The following CHRNA5 variants were observed in gnomAD, a reference collection of about 807,000 sequenced individuals.
The protein encoded by CHRNA5 is cholinergic receptor nicotinic alpha 5 subunit, also known as neuronal acetylcholine receptor subunit alpha-5.
Under a neutral mutation model 41.2 loss-of-function variants are expected in CHRNA5, and 28 were observed. The observed-to-expected ratio is 0.68, with a 90% CI of 0.50 to 0.93. The LOEUF (loss-of-function observed/expected upper bound fraction) is 0.93, where lower values mean the gene tolerates loss of function less well. Ranked by LOEUF, CHRNA5 falls within the 40% of genes least tolerant of loss-of-function variation. CHRNA5 has a pLI of 0.00. For missense variants in CHRNA5, 481 were observed against 581.9 expected (o/e 0.83, Z 1.78); for synonymous variants, 188 against 205.8 (o/e 0.91, Z 0.74).
intron 1 of CHRNA5, among the ~76,000 whole-genome samples, chr15:78,573,114 C>T (rs2052821719): frequency 6.6e-6 from 1 of 152,220 alleles, no homozygotes; most frequent in African/African-American, 2.4e-5. Context: ...TCCCCCTCAC[C>T]AACATTTGGC....
rs542371444 is a variant in CHRNA5 at position 78,587,434 on chromosome 15, G to A, written c.303+745G>A. On this transcript the variant is annotated intron_variant, in intron 3 of 5. Transcript: ENST00000299565. ...GCCATGTGTATATCTGGGGAGGAGC[G>A]TTCCAGGCAGCAGGACCTACAAGTG... 2.0e-4 allele frequency among the ~76,000 whole-genome samples: 30 copies of A among 147,646 alleles called. No individual in the cohort carries two copies. The Middle Eastern group carries it at 0.01, about 50-fold the overall frequency.
exon 6 of CHRNA5, chr15:78,595,154 G>A (rs2053081066): frequency 7.0e-6 from 2 of 285,644 alleles, no homozygotes; most frequent in Non-Finnish European, 1.0e-5. Context: ...TGAAAGCCTG[G>A]TGTGATGAAT....
chr15:78,590,265 TTGAC>T lies in CHRNA5; in HGVS notation c.877_880del (p.Thr293SerfsTer19), dbSNP rs766768801. On this transcript the variant is annotated frameshift_variant, in exon 5 of 6. Transcript: ENST00000299565. LOFTEE classifies it high-confidence loss of function. ...TCTCTGCACTTCAGTACTTGTGTCT[TTGAC>T]TGTCTTCCTTCTGGTTATTGAAGAG... The T allele has an allele frequency of 1.1e-4, 176 of 1,613,924 alleles. No homozygotes were observed. Among genetic ancestry groups the T allele is most frequent in the Non-Finnish European group, 1.4e-4 (164 of 1,180,042 alleles).
At position 78,588,022 on chromosome 15, in the gene CHRNA5, G is replaced by A. The variant is rs1377990848; in HGVS notation, c.304-292G>A. ...TGAACCTGGATATTAAGTGCCTGTG[G>A]CTTCAAGTCCTGGATATAGTCAGTC... On this transcript the variant is annotated intron_variant, in intron 3 of 5. Coordinates refer to ENST00000299565, the Ensembl canonical transcript of CHRNA5. This position sits in a 1 kb window ranked among gnomAD's most constrained non-coding sequence, Gnocchi z 4.1. 6.6e-6 allele frequency among the ~76,000 whole-genome samples: 1 copy of A among 152,156 alleles called. No homozygotes were observed. The highest frequency in any genetic ancestry group is 1.5e-5 in the Non-Finnish European group (1 of 68,032).
At chr15:78,586,272 C>T (rs762438938) in intron 2 of CHRNA5, among the ~76,000 whole-genome samples, 2 of 152,202 alleles carry the variant, frequency 1.3e-5, no homozygotes, top group Non-Finnish European at 2.9e-5. Context: ...TCTTATAATT[C>T]ATGGCAGCTT....
intron 1 of CHRNA5, among the ~76,000 whole-genome samples, chr15:78,575,908 C>CT (rs2052852306): frequency 6.6e-6 from 1 of 152,162 alleles, no homozygotes; most frequent in South Asian, 2.1e-4. Flanking sequence ...TGTTGAGCAT[C>CT]TTTTCATATG....
rs766890816 is a variant in CHRNA5 at position 78,588,587 on chromosome 15, CAG to C, written c.413+167_413+168del. ...ATTACATGTTTTATAGATGAGGAAA[CAG>C]AGGCTTAGGGTGGTTGTTCTTTTCC... On this transcript the variant is annotated intron_variant, in intron 4 of 5. Coordinates refer to ENST00000299565, the Ensembl canonical transcript of CHRNA5. The surrounding 1 kb of genome is among the most constrained non-coding windows in gnomAD (Gnocchi z 4.1). 6.6e-6 allele frequency among the ~76,000 whole-genome samples: 1 copy of C among 152,118 alleles called. No individual in the cohort carries two copies. Among genetic ancestry groups the C allele is most frequent in the Non-Finnish European group, 1.5e-5 (1 of 68,020 alleles).
At chr15:78,577,714 C>A (rs1304774988) in intron 1 of CHRNA5, among the ~76,000 whole-genome samples, 2 of 152,068 alleles carry the variant, frequency 1.3e-5, no homozygotes, top group East Asian at 3.9e-4. Context: ...TAGCAGATCG[C>A]TTGAGCTCAG....
At chr15:78,590,615 G>T (rs1205594105) in exon 5 of CHRNA5, 5 of 1,611,724 alleles carry the variant, frequency 3.1e-6, no homozygotes, top group Non-Finnish European at 4.2e-6. Flanking sequence ...GACACATCAT[G>T]AAGGAAAATG....
chr15:78,592,413 C>T lies in CHRNA5; in HGVS notation c.1246-679C>T, dbSNP rs966464447. The stretch of plus-strand genomic sequence containing the variant: ...GGAGGCACAGTTCCCATAGAGGACA[C>T]CATCCTTCATAGAGGTTCAGGGCCA... On this transcript the variant is annotated intron_variant, in intron 5 of 5. Coordinates refer to ENST00000299565, the Ensembl canonical transcript of CHRNA5. 3.9e-5 allele frequency among the ~76,000 whole-genome samples: 6 copies of T among 152,182 alleles called. No homozygotes were observed. The South Asian group carries it at 1.0e-3, about 26-fold the overall frequency.
chr15:78,593,674 TATA>T (rs1274680723), exon 6 of CHRNA5: 1 of 153,542 alleles, frequency 6.5e-6, no homozygotes, highest in Non-Finnish European at 1.4e-5. Context: ...TAATCTTTAA[TATA>T]ATATTATACT....
intron 1 of CHRNA5, among the ~76,000 whole-genome samples, chr15:78,570,162 T>C (rs2052788622): frequency 6.6e-6 from 1 of 152,212 alleles, no homozygotes; most frequent in Non-Finnish European, 1.5e-5. Flanking sequence ...GAAAGGATTA[T>C]TTAAAATCAT....
chr15:78,594,039 CAAATAATAA>C (rs1309255588), exon 6 of CHRNA5: 2 of 152,098 alleles, frequency 1.3e-5, no homozygotes, highest in Non-Finnish European at 1.5e-5. Context: ...AACTCAGTCT[CAAATAATAA>C]TAATAACAAC....
intron 1 of CHRNA5, among the ~76,000 whole-genome samples, chr15:78,569,519 T>C (rs1330925987): frequency 1.3e-5 from 2 of 151,070 alleles, no homozygotes; most frequent in Admixed American, 6.6e-5. Flanking sequence ...CTGCAAGCTC[T>C]GCCTCCCGGG....
In CHRNA5 at chr15:78,589,780, GTTATT is replaced by G. The variant is rs765515682; in HGVS notation, c.414-20_414-16del. 20 of 1,489,462 alleles carry G rather than the reference GTTATT, an allele frequency of 1.3e-5. No individual in the cohort carries two copies. The South Asian group carries it at 2.6e-4, about 20-fold the overall frequency. 92.3% of individuals were successfully genotyped at this position (1,489,462 alleles called of 1,614,324 possible). ...ATGTGCATTGTTTAATTTCTGCATTGTTATTTTATATGTGTGTATTTTAGTGCAGA... is the reference window on the plus strand; with the variant it reads ...ATGTGCATTGTTTAATTTCTGCATTGTTATATGTGTGTATTTTAGTGCAGA... On this transcript the variant is annotated intron_variant, in intron 4 of 5. Coordinates refer to ENST00000299565, the Ensembl canonical transcript of CHRNA5.
intron 2 of CHRNA5, among the ~76,000 whole-genome samples, chr15:78,584,404 A>G (rs926675922): frequency 4.6e-5 from 7 of 152,186 alleles, no homozygotes; most frequent in Non-Finnish European, 7.4e-5. Context: ...TTGTTAGTTT[A>G]GGTTTCCTCC....
At chr15:78,576,611 G>A (rs1229357595) in intron 1 of CHRNA5, among the ~76,000 whole-genome samples, 1 of 142,932 alleles carries the variant, frequency 7.0e-6, no homozygotes, top group Non-Finnish European at 1.5e-5. Context: ...AAGAGACCCT[G>A]TCTCTACAAA....
intron 2 of CHRNA5, 87 bp from the exon 3 acceptor site, chr15:78,586,557 GT>G: frequency 2.5e-6 from 2 of 787,364 alleles, no homozygotes; most frequent in South Asian, 3.6e-5. Context: ...GAAGAAGAGT[GT>G]TTATATAACA....
chr15:78,577,230 C>T (rs1567055025), intron 1 of CHRNA5, among the ~76,000 whole-genome samples: 1 of 152,146 alleles, frequency 6.6e-6, no homozygotes. Context: ...GTAGCAGCAA[C>T]CCTTCTTTTC....
Sources: gnomAD v4.1 joint callset for allele counts (sites outside exome capture counted in the v4.1 genomes callset) on GRCh38, gnomAD v4.1.1 for gene constraint, Gnocchi (gnomAD v3.1) non-coding constraint, MANE v1.5 for transcripts, NCBI Gene and HGNC (gene_info 2026-07-23, HGNC 2026-07-21) for gene names.